Variants in DPP10 observed in about 807,000 individuals in gnomAD.
The protein encoded by DPP10 is dipeptidyl peptidase like 10, also known as inactive dipeptidyl peptidase 10.
A neutral mutation model predicts 120.9 loss-of-function variants in DPP10; 33 were observed. The ratio of observed to expected loss-of-function variants is 0.27; its 90% CI spans 0.21 to 0.37. The LOEUF is 0.37. DPP10 is among the 10% of genes least tolerant of loss of function. The pLI, the probability that DPP10 is intolerant of heterozygous loss-of-function variation, is 1.00. For synonymous variants in DPP10, 337 were observed against 326.1 expected, an observed-to-expected ratio of 1.03 and a Z score of -0.36; for missense variants, 816 against 942.8, an observed-to-expected ratio of 0.87 and a Z score of 1.76.
At chr2:114,660,702 A>C (rs1007118681) in intron 1 of DPP10, among the ~76,000 whole-genome samples, 1 of 152,220 alleles carries the variant, frequency 6.6e-6, no homozygotes, top group African/African-American at 2.4e-5. Flanking sequence ...TCAATGACTT[A>C]ATAGATGAAT....
At chr2:115,557,135 T>A (rs902704016) in intron 5 of DPP10, among the ~76,000 whole-genome samples, 11 of 152,136 alleles carry the variant, frequency 7.2e-5, no homozygotes, top group Non-Finnish European at 1.6e-4. Flanking sequence ...TATAACCACA[T>A]GAAATATGTC....
intron 5 of DPP10, 184 bp downstream of exon 5, chr2:115,526,156 G>A: frequency 4.0e-6 from 2 of 497,390 alleles, no homozygotes; most frequent in East Asian, 3.4e-5. Context: ...TTCCATATCT[G>A]CACAGCAAAT....
chr2:114,739,549 C>A (rs777118531), intron 1 of DPP10, among the ~76,000 whole-genome samples: 1 of 152,036 alleles, frequency 6.6e-6, no homozygotes, highest in Non-Finnish European at 1.5e-5. Context: ...ATCCCAGCTA[C>A]TTGGGAGGCT....
chr2:114,765,985 CA>C (rs1209432598), intron 1 of DPP10, among the ~76,000 whole-genome samples: 1 of 151,900 alleles, frequency 6.6e-6, no homozygotes, highest in African/African-American at 2.4e-5. Flanking sequence ...AAACTCAAAG[CA>C]ATAAATGTAA....
chr2:115,749,110 GA>G (rs1204911814), intron 10 of DPP10, among the ~76,000 whole-genome samples: 4 of 152,248 alleles, frequency 2.6e-5, no homozygotes, highest in African/African-American at 9.6e-5. Context: ...ATCTTGGAAG[GA>G]AGAAACATTT....
At chr2:115,098,140 G>A (rs566535264) in intron 1 of DPP10, among the ~76,000 whole-genome samples, 51 of 152,290 alleles carry the variant, frequency 3.3e-4, no homozygotes, top group African/African-American at 1.1e-3. Context: ...TGAGGGATGG[G>A]TGCACACGCA....
At chr2:115,135,472 G>T (rs1282964261) in intron 1 of DPP10, among the ~76,000 whole-genome samples, 1 of 151,960 alleles carries the variant, frequency 6.6e-6, no homozygotes, top group East Asian at 1.9e-4. Flanking sequence ...CATTTTCAAG[G>T]TCAGCGAAAA....
chr2:114,812,627 T>TA (rs781524604), intron 1 of DPP10, among the ~76,000 whole-genome samples: 61 of 123,242 alleles, frequency 4.9e-4, no homozygotes, highest in East Asian at 2.4e-3. Context: ...CAATTATAAT[T>TA]AAAAAAAAAC....
chr2:115,597,168 C>G (rs2083042630), intron 5 of DPP10, among the ~76,000 whole-genome samples: 1 of 152,106 alleles, frequency 6.6e-6, no homozygotes, highest in Admixed American at 6.6e-5. Flanking sequence ...AATGTTTCCA[C>G]AGTATACTTC....
At chr2:115,282,695 G>T (rs2060209433) in intron 1 of DPP10, among the ~76,000 whole-genome samples, 1 of 152,088 alleles carries the variant, frequency 6.6e-6, no homozygotes, top group Non-Finnish European at 1.5e-5. Flanking sequence ...CCAGAGCCTA[G>T]TTAAATGTCA....
intron 5 of DPP10, among the ~76,000 whole-genome samples, chr2:115,585,821 A>G (rs1279553991): frequency 5.3e-5 from 8 of 152,168 alleles, no homozygotes; most frequent in Non-Finnish European, 1.0e-4. Context: ...CTCACACAAA[A>G]GGCAGCACCC....
At chr2:114,488,057 C>A (rs1036601405) in intron 1 of DPP10, among the ~76,000 whole-genome samples, 9 of 152,186 alleles carry the variant, frequency 5.9e-5, no homozygotes, top group Non-Finnish European at 1.2e-4. Flanking sequence ...TTGTCAAATT[C>A]AGAAAGTTAC....
At chr2:115,720,089 A>C (rs1456595896) in intron 7 of DPP10, among the ~76,000 whole-genome samples, 1 of 152,204 alleles carries the variant, frequency 6.6e-6, no homozygotes, top group African/African-American at 2.4e-5. Context: ...ACCTATGCTC[A>C]GCTTTGGTAA....
In DPP10 at chr2:114,527,354, CA is replaced by C. The variant is rs373700500; in HGVS notation, c.60+84518del. 8.3e-3 allele frequency among the ~76,000 whole-genome samples: 1,270 copies of C among 152,218 alleles called. 19 individuals carry two copies. The highest frequency in any genetic ancestry group is 0.029 in the African/African-American group (1,193 of 41,536). ...AAGTGAGCAGCACATCGCATTCTACCAATTTAGCTTTTTTACAGAATCCCAG... is the reference window on the plus strand; with the variant it reads ...AAGTGAGCAGCACATCGCATTCTACCATTTAGCTTTTTTACAGAATCCCAG... On this transcript the variant is annotated intron_variant, in intron 1 of 25. Transcript: ENST00000410059.
chr2:114,656,151 G>A (rs146175854), intron 1 of DPP10, among the ~76,000 whole-genome samples: 14 of 152,232 alleles, frequency 9.2e-5, no homozygotes, highest in African/African-American at 3.4e-4. Context: ...CTTGGTGTTT[G>A]AGTCCATTGA....
intron 1 of DPP10, among the ~76,000 whole-genome samples, chr2:114,856,770 T>G (rs1281350229): frequency 6.6e-6 from 1 of 152,198 alleles, no homozygotes; most frequent in Non-Finnish European, 1.5e-5. Context: ...GTTTTTTATC[T>G]TAGCGGTGGC....
At chr2:114,757,486 C>T (rs1361715699) in intron 1 of DPP10, among the ~76,000 whole-genome samples, 2 of 152,012 alleles carry the variant, frequency 1.3e-5, no homozygotes, top group African/African-American at 4.8e-5. Context: ...GCATACCAGG[C>T]TGTGCCTTTG....
chr2:115,384,524 GAAGAAGAAGA>G lies in DPP10; in HGVS notation c.271+40624_271+40633del, dbSNP rs1211466149. Among the ~76,000 whole-genome samples the G allele has an allele frequency of 2.2e-4, 30 of 138,832 alleles. 1 individual carries two copies. The highest frequency in any genetic ancestry group is 4.6e-4 in the Admixed American group (6 of 12,932). The allele number at this position is 138,832 out of a possible 152,430, so 91.1% of individuals were successfully genotyped here. On this transcript the variant is annotated intron_variant, in intron 3 of 25. Coordinates refer to ENST00000410059, the MANE Select transcript of DPP10 (RefSeq NM_020868.6). ...AAAGAAGAAGAAGAAGGAAGAAGAG[GAAGAAGAAGA>G]AAGAAGAAGAAGGAAGAAGAAGAGG... is the stretch of plus-strand genomic sequence containing the variant.
intron 1 of DPP10, among the ~76,000 whole-genome samples, chr2:115,285,285 A>G (rs2060319569): frequency 6.6e-6 from 1 of 152,038 alleles, no homozygotes; most frequent in Non-Finnish European, 1.5e-5. Context: ...ATAGCGAATT[A>G]ACACTTGCTA....
Sources: allele counts gnomAD v4.1 joint callset (sites outside exome capture counted in the v4.1 genomes callset), GRCh38; gene constraint gnomAD v4.1.1; transcripts MANE v1.5; gene names NCBI Gene and HGNC (gene_info 2026-07-23, HGNC 2026-07-21).